The following ZNF536 variants were observed in gnomAD, a reference collection of about 807,000 sequenced individuals.
ZNF536 encodes zinc finger protein 536.
Under a neutral mutation model 84.5 loss-of-function variants are expected in ZNF536, and 13 were observed. That is an observed-to-expected ratio of 0.15 (90% CI 0.10 to 0.24). The LOEUF is 0.24. Among genes scored for constraint, ZNF536 ranks in the 10% least tolerant of loss-of-function variants. The pLI is 1.00. For missense variants in ZNF536, 1,536 were observed against 1,747.5 expected (o/e 0.88, Z 2.16); for synonymous variants, 811 against 742.5 (o/e 1.09, Z -1.50).
intron 2 of ZNF536, among the ~76,000 whole-genome samples, chr19:30,451,607 A>T (rs2052611451): frequency 1.3e-5 from 2 of 152,212 alleles, no homozygotes; most frequent in Non-Finnish European, 2.9e-5. Flanking sequence ...GTGGCATAAA[A>T]TTGCAGAGGC....
intron 2 of ZNF536, among the ~76,000 whole-genome samples, chr19:30,463,812 G>A (rs561292101): frequency 1.3e-5 from 2 of 152,212 alleles, no homozygotes; most frequent in South Asian, 2.1e-4. Flanking sequence ...ATGAGGGAGC[G>A]TGGGGGTTTG....
rs1031321154 is a variant in ZNF536, at chr19:30,552,034, T to G, written c.3895+2520T>G. Among the ~76,000 whole-genome samples the G allele has an allele frequency of 5.7e-5, 8 of 140,872 alleles. No homozygotes were observed. The East Asian group carries it at 7.8e-4, about 14-fold the overall frequency. The allele number at this position is 140,872 out of a possible 152,430, so 92.4% of individuals were successfully genotyped here. A position where few individuals can be genotyped will look rare whatever the true frequency, so the allele number is the denominator to read the frequency against. ...GAGGAACACAAATCCAAATGGGCTG[T>G]TTTTTTTTTCTTAAATAGTGTAATT... On this transcript the variant is annotated intron_variant, in intron 4 of 4. Transcript: ENST00000355537.
chr19:30,233,103 G>A (rs2023198948), intron 1 of ZNF536, among the ~76,000 whole-genome samples: 1 of 152,152 alleles, frequency 6.6e-6, no homozygotes, highest in Non-Finnish European at 1.5e-5. Context: ...AAGACCCATG[G>A]GGTCTGAGAG....
At chr19:30,605,361 C>G (rs1286967869) in intron 1 of ZNF536, among the ~76,000 whole-genome samples, 1 of 151,970 alleles carries the variant, frequency 6.6e-6, no homozygotes, top group African/African-American at 2.4e-5. Flanking sequence ...CGCCAAGTCC[C>G]CAACATTCAT....
intron 2 of ZNF536, among the ~76,000 whole-genome samples, chr19:30,340,519 A>G (rs938447666): frequency 6.6e-5 from 10 of 152,184 alleles, no homozygotes; most frequent in Non-Finnish European, 8.8e-5. Flanking sequence ...TCTCAGAGGC[A>G]AACATTCCTA....
chr19:30,417,565 G>GA (rs1156417876), intron 1 of ZNF536, among the ~76,000 whole-genome samples: 1 of 151,354 alleles, frequency 6.6e-6, no homozygotes, highest in Middle Eastern at 3.4e-3. Context: ...CATACCATTA[G>GA]AAAAAAAAGG....
intron 1 of ZNF536, among the ~76,000 whole-genome samples, chr19:30,660,339 G>T (rs910766058): frequency 6.6e-6 from 1 of 152,122 alleles, no homozygotes; most frequent in Admixed American, 6.5e-5. Flanking sequence ...TCACCTAAGA[G>T]CTGTCACAAA....
chr19:30,410,753 C>T (rs1235448113), intron 1 of ZNF536, among the ~76,000 whole-genome samples: 13 of 151,994 alleles, frequency 8.6e-5, no homozygotes, highest in Admixed American at 8.5e-4. Flanking sequence ...GCTGGGATTA[C>T]AGGCGTGAGC....
chr19:30,263,704 TTG>T (rs2025344469), intron 1 of ZNF536, among the ~76,000 whole-genome samples: 1 of 152,228 alleles, frequency 6.6e-6, no homozygotes, highest in Non-Finnish European at 1.5e-5. Context: ...AGAAGTTAAG[TTG>T]TGTGTGTGCA....
At chr19:30,645,296 A>C (rs2147379947) in intron 1 of ZNF536, among the ~76,000 whole-genome samples, 1 of 152,134 alleles carries the variant, frequency 6.6e-6, no homozygotes, top group East Asian at 1.9e-4. Context: ...AGATTGCAAA[A>C]ATTTTCTCCC....
chr19:30,485,216 CT>C (rs1347485206), intron 2 of ZNF536, among the ~76,000 whole-genome samples: 1 of 151,836 alleles, frequency 6.6e-6, no homozygotes, highest in Non-Finnish European at 1.5e-5. Context: ...GAAATCAGAC[CT>C]TGTTAAGGTT....
intron 1 of ZNF536, among the ~76,000 whole-genome samples, chr19:30,250,152 G>T (rs2024524450): frequency 6.6e-6 from 1 of 152,144 alleles, no homozygotes; most frequent in Non-Finnish European, 1.5e-5. Flanking sequence ...CTAAAGCAAG[G>T]AGTCCAAATC....
At chr19:30,607,565 C>A (rs983281207) in intron 1 of ZNF536, among the ~76,000 whole-genome samples, 5 of 151,784 alleles carry the variant, frequency 3.3e-5, no homozygotes, top group Admixed American at 3.3e-4. Context: ...ACTAAAAATA[C>A]AGAAAAATTA....
At position 30,604,004 on chromosome 19, in the gene ZNF536, C is replaced by T. The variant is rs149880276; in HGVS notation, c.169+54490C>T. Among the ~76,000 whole-genome samples the T allele has an allele frequency of 4.1e-3, 619 of 152,222 alleles. 6 individuals are homozygous for T. Among genetic ancestry groups the T allele is most frequent in the African/African-American group, 0.014 (581 of 41,544 alleles). On this transcript the variant is annotated intron_variant, in intron 1 of 1. Transcript: ENST00000592773. Reference sequence around the variant, plus strand: ...ACTCTGAAGACTGAGGCAGGAGAATCGCTTGAACCTGGGAGGCCGAGGCTG... The same window carrying T: ...ACTCTGAAGACTGAGGCAGGAGAATTGCTTGAACCTGGGAGGCCGAGGCTG...
At chr19:30,250,340 G>A (rs1037302971) in intron 1 of ZNF536, among the ~76,000 whole-genome samples, 1 of 152,176 alleles carries the variant, frequency 6.6e-6, no homozygotes, top group Non-Finnish European at 1.5e-5. Context: ...TCATCTACAG[G>A]GAACATATAC....
At chr19:30,520,930 C>T (rs766841626) in intron 2 of ZNF536, among the ~76,000 whole-genome samples, 9 of 152,174 alleles carry the variant, frequency 5.9e-5, no homozygotes, top group African/African-American at 9.6e-5. Context: ...CCTCACCAGA[C>T]GGAGCCCAGA....
intron 1 of ZNF536, among the ~76,000 whole-genome samples, chr19:30,636,627 A>T (rs963060944): frequency 1.3e-5 from 2 of 152,164 alleles, no homozygotes; most frequent in African/African-American, 4.8e-5. Flanking sequence ...GGTGAGATCT[A>T]GGCAAGGTCC....
At chr19:30,378,289 T>A (rs2068809877) in intron 1 of ZNF536, among the ~76,000 whole-genome samples, 1 of 152,194 alleles carries the variant, frequency 6.6e-6, no homozygotes, top group Admixed American at 6.5e-5. Flanking sequence ...GCCTCTCAAG[T>A]AGCTGGGACT....
intron 1 of ZNF536, among the ~76,000 whole-genome samples, chr19:30,708,706 C>T (rs992130648): frequency 1.6e-4 from 24 of 152,178 alleles, no homozygotes; most frequent in African/African-American, 4.8e-4. Flanking sequence ...TATGAGGGAA[C>T]AAAGAGGCAG....
Sources: gnomAD v4.1 joint callset for allele counts (sites outside exome capture counted in the v4.1 genomes callset) on GRCh38, gnomAD v4.1.1 for gene constraint, MANE v1.5 for transcripts, NCBI Gene and HGNC (gene_info 2026-07-23, HGNC 2026-07-21) for gene names.